The following STK3 variants were observed in gnomAD, a reference collection of about 807,000 sequenced individuals.
STK3 encodes serine/threonine-protein kinase 3.
A neutral mutation model predicts 58.0 loss-of-function variants in STK3; 41 were observed. The ratio of observed to expected loss-of-function variants is 0.71; its 90% CI spans 0.55 to 0.92. The LOEUF (loss-of-function observed/expected upper bound fraction) is 0.92, where lower values mean the gene tolerates loss of function less well. Among genes scored for constraint, STK3 ranks in the 40% least tolerant of loss-of-function variants. The probability of loss-of-function intolerance (pLI) is 0.00; values close to 1 mark genes in which losing one functional copy is unlikely to be tolerated. For synonymous variants in STK3, 170 were observed against 191.0 expected (o/e 0.89, Z 0.91); for missense variants, 479 against 602.7 (o/e 0.79, Z 2.15).
intron 8 of STK3, among the ~76,000 whole-genome samples, chr8:98,575,949 G>T (rs1563756318): frequency 6.6e-6 from 1 of 152,086 alleles, no homozygotes. Flanking sequence ...CATTCTCTAA[G>T]AATTCACTGA....
chr8:98,362,106 T>A, the STK3 span, among the ~76,000 whole-genome samples: 1 of 152,026 alleles, frequency 6.6e-6, no homozygotes, highest in Non-Finnish European at 1.5e-5. Flanking sequence ...AGAAGGAAGG[T>A]CGGTTAACCA....
chr8:98,657,824 A>C (rs187448319), intron 6 of STK3, among the ~76,000 whole-genome samples: 20 of 152,180 alleles, frequency 1.3e-4, no homozygotes, highest in African/African-American at 4.6e-4. Flanking sequence ...CTCAATAAAA[A>C]TGGAAATAAA....
chr8:98,769,912 T>C (rs945319517), intron 2 of STK3, among the ~76,000 whole-genome samples: 1 of 152,162 alleles, frequency 6.6e-6, no homozygotes, highest in Non-Finnish European at 1.5e-5. Context: ...AGAAACAGGG[T>C]TGAGATTTCT....
intron 6 of STK3, among the ~76,000 whole-genome samples, chr8:98,648,651 G>A (rs1341382467): frequency 2.0e-5 from 3 of 152,062 alleles, no homozygotes; most frequent in Admixed American, 1.3e-4. Flanking sequence ...CCTGTACTTC[G>A]GGAAGCCAAG....
intron 3 of STK3, among the ~76,000 whole-genome samples, chr8:98,854,476 GAA>G (rs1836595890): frequency 6.6e-6 from 1 of 151,976 alleles, no homozygotes. Context: ...CTCGTATATA[GAA>G]AATCCTTAGA....
At chr8:98,889,887 A>G (rs1011148800) in intron 1 of STK3, 4 of 152,186 alleles carry the variant, frequency 2.6e-5, no homozygotes, top group Non-Finnish European at 5.9e-5. Context: ...GATTATCTAC[A>G]TGGTCAATTC....
chr8:98,620,528 A>C (rs1481613664), intron 6 of STK3, among the ~76,000 whole-genome samples: 1 of 151,086 alleles, frequency 6.6e-6, no homozygotes, highest in Non-Finnish European at 1.5e-5. Context: ...AAAAAAAAGA[A>C]GATGTCTCAA....
chr8:98,820,153 G>T (rs1834795943), intron 1 of STK3, among the ~76,000 whole-genome samples: 1 of 152,104 alleles, frequency 6.6e-6, no homozygotes, highest in Non-Finnish European at 1.5e-5. Flanking sequence ...TGAAATTAGT[G>T]TTTTCTAGCT....
At chr8:98,808,347 G>A (rs773521791) in intron 1 of STK3, among the ~76,000 whole-genome samples, 2 of 152,154 alleles carry the variant, frequency 1.3e-5, no homozygotes, top group African/African-American at 4.8e-5. Context: ...GTCATAAAAG[G>A]CCTTACGGCA....
chr8:98,366,013 T>C, the STK3 span, among the ~76,000 whole-genome samples: 1 of 152,216 alleles, frequency 6.6e-6, no homozygotes, highest in African/African-American at 2.4e-5. Context: ...TTCCCTAAGA[T>C]ATAACCTAGA....
intron 3 of STK3, among the ~76,000 whole-genome samples, chr8:98,876,245 A>G (rs1837556027): frequency 6.6e-6 from 1 of 152,182 alleles, no homozygotes; most frequent in Non-Finnish European, 1.5e-5. Flanking sequence ...GAGGTTGGGG[A>G]AGGAAAAGCC....
At chr8:98,640,579 T>C (rs907058164) in intron 6 of STK3, among the ~76,000 whole-genome samples, 6 of 152,180 alleles carry the variant, frequency 3.9e-5, no homozygotes, top group African/African-American at 1.4e-4. Context: ...AACACTTTCA[T>C]TGTACCAATA....
rs973351090 is a variant in STK3, at chr8:98,556,953, TGA to T, written c.949-8794_949-8793del. ...ATCAAACTGAATCTAAAGAGAAAGT[TGA>T]GAGAGATTTTAATTTGAATAAAATA... is the stretch of plus-strand genomic sequence containing the variant. On this transcript the variant is annotated intron_variant, in intron 8 of 10. Transcript: ENST00000419617. Among the ~76,000 whole-genome samples the T allele has an allele frequency of 2.9e-4, 44 of 152,144 alleles. 1 individual carries two copies. Among genetic ancestry groups the T allele is most frequent in the Middle Eastern group, 3.4e-3 (1 of 294 alleles).
intron 3 of STK3, among the ~76,000 whole-genome samples, chr8:98,867,595 T>G (rs1291756410): frequency 6.6e-6 from 1 of 151,942 alleles, no homozygotes; most frequent in Non-Finnish European, 1.5e-5. Context: ...TGGAGACAGC[T>G]TCACCCACTG....
intron 1 of STK3, among the ~76,000 whole-genome samples, chr8:98,934,777 G>A (rs1403362618): frequency 3.3e-5 from 5 of 152,072 alleles, no homozygotes; most frequent in African/African-American, 7.2e-5. Flanking sequence ...TCAGCCAGGT[G>A]TGGTGGCATG....
At chr8:98,554,831 T>C (rs1476549912) in intron 8 of STK3, among the ~76,000 whole-genome samples, 2 of 152,176 alleles carry the variant, frequency 1.3e-5, no homozygotes, top group African/African-American at 4.8e-5. Context: ...ATATTTTAGA[T>C]TAGTATTATA....
At chr8:98,868,819 T>TAA (rs950022162) in intron 3 of STK3, among the ~76,000 whole-genome samples, 3 of 148,832 alleles carry the variant, frequency 2.0e-5, no homozygotes, top group African/African-American at 7.4e-5. Flanking sequence ...AAATAAAAAA[T>TAA]AAAAAAAAAT....
chr8:98,458,829 G>A (rs1464718043), intron 10 of STK3, among the ~76,000 whole-genome samples: 1 of 152,144 alleles, frequency 6.6e-6, no homozygotes, highest in African/African-American at 2.4e-5. Context: ...CACCATGATT[G>A]TAAATTTCCT....
chr8:98,553,261 T>C (rs1180270971), intron 8 of STK3: 1 of 152,196 alleles, frequency 6.6e-6, no homozygotes, highest in East Asian at 1.9e-4. Flanking sequence ...GTGTCATGCC[T>C]CTGTATTCCC....
Sources: gnomAD v4.1 joint callset for allele counts (sites outside exome capture counted in the v4.1 genomes callset) on GRCh38, gnomAD v4.1.1 for gene constraint, MANE v1.5 for transcripts, NCBI Gene and HGNC (gene_info 2026-07-23, HGNC 2026-07-21) for gene names.